The following MGAM variants were observed in gnomAD, a reference collection of about 807,000 sequenced individuals.
MGAM encodes the protein maltase-glucoamylase, also known as alpha-1,4-glucosidase.
MGAM carries 253 observed loss-of-function variants against 358.8 expected under a neutral mutation model. That is an observed-to-expected ratio of 0.71 (90% CI 0.64 to 0.78). The LOEUF is 0.78. Ranked by LOEUF, MGAM falls within the 30% of genes least tolerant of loss-of-function variation. The pLI, the probability that MGAM is intolerant of heterozygous loss-of-function variation, is 0.00. For missense variants in MGAM, 3,080 were observed against 3,432.6 expected (o/e 0.90, Z 2.57); for synonymous variants, 1,105 against 1,227.1 (o/e 0.90, Z 2.08).
At chr7:142,079,259 A>G (rs1297818494) in intron 49 of MGAM, among the ~76,000 whole-genome samples, 3 of 145,598 alleles carry the variant, frequency 2.1e-5, no homozygotes, top group African/African-American at 4.9e-5. Flanking sequence ...ACAAGTTGGG[A>G]GGCTGCCAGT....
rs1259911473 is a variant in MGAM, at chr7:142,074,172, G to A, written c.5274G>A (p.Lys1758=). The change falls in exon 45 of 71, where the codon AAG becomes AAA. Residue 1758 remains lysine, a splice_region_variant and synonymous_variant. Coordinates refer to ENST00000475668, the MANE Select transcript of MGAM (RefSeq NM_001365693.1). ...GELFWDDGQT[K]DTVAKKVYLL... ...TTTTCTGGGATGATGGGCAAACAAA[G>A]GGTGAGCGCTGTTACAATAATGTTG... The A allele has an allele frequency of 3.3e-6, 5 of 1,522,222 alleles. No homozygotes were observed. Among genetic ancestry groups the A allele is most frequent in the East Asian group, 2.3e-5 (1 of 43,724 alleles). 94.3% of individuals were successfully genotyped at this position (1,522,222 alleles called of 1,614,324 possible).
At chr7:142,065,874 A>G in intron 40 of MGAM, 43 bp downstream of exon 40, 1 of 1,383,244 alleles carries the variant, frequency 7.2e-7, no homozygotes, top group Non-Finnish European at 1.0e-6. Flanking sequence ...TGTCACTTGA[A>G]AGACAGTCTC....
At chr7:142,045,251 GA>G (rs1563157122) in intron 21 of MGAM, among the ~76,000 whole-genome samples, 2 of 67,840 alleles carry the variant, frequency 2.9e-5, no homozygotes, top group East Asian at 4.2e-4. Context: ...TATAATATAT[GA>G]TATATAATAT....
At position 142,082,101 on chromosome 7, in the gene MGAM, G is replaced by A. The variant is rs760683208; in HGVS notation, c.6062G>A (p.Arg2021His). 1.1e-5 allele frequency: 17 copies of A among 1,555,532 alleles called. 2 individuals are homozygous for A. The highest frequency in any genetic ancestry group is 2.2e-5 in the South Asian group (2 of 89,194). ...GACATGTTTATCCGCATCTCCACCC[G>A]CCTTCCCTCCAAGTACCTCTATGGC... The part of the protein sequence containing the change: ...FNDMFIRIST[R>H]LPSKYLYGFG... The change falls in exon 51 of 71, where the codon CGC (arginine) becomes CAC (histidine). Residue 2021 changes from arginine to histidine, a missense_variant. Physicochemically the swap from Arg to His is conservative, Grantham distance 29. Transcript: ENST00000475668.
chr7:142,055,959 T>C (rs751310805), intron 28 of MGAM, 41 bp from the exon 29 acceptor site: 1 of 1,564,516 alleles, frequency 6.4e-7, no homozygotes, highest in South Asian at 1.2e-5. Flanking sequence ...TCAGGCATAA[T>C]GTCTTTTAAA....
intron 68 of MGAM, 64 bp from the exon 69 acceptor site, chr7:142,102,566 A>G (rs917444299): frequency 1.4e-6 from 2 of 1,454,222 alleles, no homozygotes; most frequent in Non-Finnish European, 1.9e-6. Context: ...GCATTTATAT[A>G]TTCTATAGCA....
Position 142,040,894 on chromosome 7 carries a change from A to T in MGAM, c.2498+48A>T, listed in dbSNP as rs76561244. On this transcript the variant is annotated intron_variant, in intron 21 of 70. Transcript: ENST00000475668. ...TTTCAGAATTCATGTCCTTGCTTAA[A>T]CCCTTTGAATTTCTTTTCGAAACAC... is the stretch of plus-strand genomic sequence containing the variant. 2.3e-3 allele frequency: 3,514 copies of T among 1,546,442 alleles called. 79 individuals carry two copies. In the African/African-American group the frequency reaches 0.045, roughly 20 times the overall value.
chr7:142,088,113 G>T (rs569722613), intron 57 of MGAM, among the ~76,000 whole-genome samples: 1 of 146,404 alleles, frequency 6.8e-6, no homozygotes, highest in Non-Finnish European at 1.5e-5. Context: ...GCTCTGATAG[G>T]GTAGGGAGAA....
chr7:142,000,580 A>G (rs1224105694), intron 1 of MGAM, among the ~76,000 whole-genome samples: 1 of 152,194 alleles, frequency 6.6e-6, no homozygotes, highest in African/African-American at 2.4e-5. Flanking sequence ...ATAATTTGTT[A>G]AATTAAAAAC....
At chr7:142,022,752 A>G (rs986377324) in intron 7 of MGAM, among the ~76,000 whole-genome samples, 2 of 151,884 alleles carry the variant, frequency 1.3e-5, no homozygotes, top group African/African-American at 4.9e-5. Flanking sequence ...ACTCCTTCAT[A>G]TTTTCCTAAC....
At chr7:142,097,703 G>C in intron 66 of MGAM, 54 bp downstream of exon 66, 1 of 1,534,922 alleles carries the variant, frequency 6.5e-7, no homozygotes, top group Non-Finnish European at 9.0e-7. Flanking sequence ...GAGTACAAAG[G>C]CTTTAGATCT....
At chr7:142,099,967 G>A (rs567934879) in intron 67 of MGAM, among the ~76,000 whole-genome samples, 1 of 152,286 alleles carries the variant, frequency 6.6e-6, no homozygotes, top group East Asian at 1.9e-4. Context: ...GTCTAAGAGT[G>A]TCATCTTTCA....
rs535408723 is a variant in MGAM, at chr7:142,016,657, A to G, written c.328-2542A>G. Among the ~76,000 whole-genome samples the G allele has an allele frequency of 2.0e-4, 31 of 152,308 alleles. No homozygotes were observed. In the East Asian group the frequency reaches 5.8e-3, roughly 28 times the overall value. On this transcript the variant is annotated intron_variant, in intron 3 of 70. Coordinates refer to ENST00000475668, the MANE Select transcript of MGAM (RefSeq NM_001365693.1). ...ACCCAGGCTGGAGTGCAGTGGCACA[A>G]TCTCGGCTCGCTGCAACCTCTGCCT...
chr7:142,035,930 T>A (rs1001809552), intron 16 of MGAM, among the ~76,000 whole-genome samples: 7 of 152,152 alleles, frequency 4.6e-5, no homozygotes, highest in Non-Finnish European at 7.4e-5. Context: ...GAAATACCTG[T>A]GTAGTAATTT....
Position 142,094,751 on chromosome 7 carries a change from G to T in MGAM, c.7346G>T (p.Gly2449Val), listed in dbSNP as rs375492601. The T allele has an allele frequency of 6.2e-7, 1 of 1,613,560 alleles. No individual in the cohort carries two copies. The highest frequency in any genetic ancestry group is 8.5e-7 in the Non-Finnish European group (1 of 1,179,842). Residue 2449 changes from glycine (G) to valine (V), a missense_variant, in exon 63 of 71, where the codon GGA becomes GTA. Physicochemically the swap from Gly to Val is moderately radical, Grantham distance 109. Coordinates refer to ENST00000475668, the MANE Select transcript of MGAM (RefSeq NM_001365693.1). ...TTTTATTTCCTCTTGTTTCAGACGG[G>T]AGCAGATATCTGTGGGTTCTTTCAA... is the stretch of plus-strand genomic sequence containing the variant. ...EFSLFGISYT[G>V]ADICGFFQDA... is the part of the protein sequence containing the mutation.
At chr7:142,036,663 A>G (rs140282985) in intron 17 of MGAM, among the ~76,000 whole-genome samples, 160 bp from the exon 18 acceptor site, 4 of 152,344 alleles carry the variant, frequency 2.6e-5, no homozygotes, top group Admixed American at 6.5e-5. Flanking sequence ...CGAAAACTCA[A>G]GGAGAGACAC....
At chr7:142,035,684 G>A (rs1271059759) in intron 16 of MGAM, among the ~76,000 whole-genome samples, 1 of 152,156 alleles carries the variant, frequency 6.6e-6, no homozygotes, top group African/African-American at 2.4e-5. Flanking sequence ...GGACTGGAAT[G>A]AGAAATGATG....
upstream of MGAM, among the ~76,000 whole-genome samples, chr7:141,993,782 A>T (rs782304473): frequency 5.3e-5 from 8 of 152,228 alleles, no homozygotes; most frequent in Non-Finnish European, 1.2e-4. Context: ...TCATATATTT[A>T]AAACAATCTC....
intron 3 of MGAM, among the ~76,000 whole-genome samples, chr7:142,009,737 A>C (rs1004210371): frequency 6.7e-6 from 1 of 150,266 alleles, no homozygotes; most frequent in Non-Finnish European, 1.5e-5. Context: ...TTGCTCAGCC[A>C]GAGAGAAATA....
Sources: allele counts gnomAD v4.1 joint callset (sites outside exome capture counted in the v4.1 genomes callset), GRCh38; gene constraint gnomAD v4.1.1; transcripts MANE v1.5; gene names NCBI Gene and HGNC (gene_info 2026-07-23, HGNC 2026-07-21).